The following MKLN1 variants were observed in gnomAD, a reference collection of about 807,000 sequenced individuals.
MKLN1 encodes muskelin 1, also known as muskelin.
In MKLN1, 18 loss-of-function variants were observed where a neutral mutation model predicts 99.0. The observed-to-expected ratio is 0.18, with a 90% CI of 0.13 to 0.27. The LOEUF is 0.27. Among genes scored for constraint, MKLN1 ranks in the 10% least tolerant of loss-of-function variants. MKLN1 has a pLI of 1.00. For missense variants in MKLN1, 621 were observed against 875.9 expected, an observed-to-expected ratio of 0.71 and a Z score of 3.67; for synonymous variants, 288 against 293.2, an observed-to-expected ratio of 0.98 and a Z score of 0.18.
At chr7:131,456,534 C>T (rs976862605) in intron 12 of MKLN1, among the ~76,000 whole-genome samples, 14 of 152,064 alleles carry the variant, frequency 9.2e-5, no homozygotes, top group Admixed American at 4.6e-4. Flanking sequence ...TGTCAGAATT[C>T]GGTGGGCAAA....
intron 1 of MKLN1, among the ~76,000 whole-genome samples, chr7:131,348,660 C>T (rs540262434): frequency 3.8e-4 from 58 of 151,976 alleles, no homozygotes; most frequent in African/African-American, 1.4e-3. Flanking sequence ...TCAAAGATAC[C>T]TATTATGGGT....
intron 2 of MKLN1, among the ~76,000 whole-genome samples, chr7:131,161,961 GTGTATATATA>G (rs1430114346): frequency 2.4e-3 from 194 of 81,066 alleles, no homozygotes; most frequent in Middle Eastern, 0.019. Flanking sequence ...GTGTGTGTGT[GTGTATATATA>G]TATATATATA....
At chr7:131,174,771 C>G (rs1413941306) in intron 2 of MKLN1, among the ~76,000 whole-genome samples, 1 of 151,984 alleles carries the variant, frequency 6.6e-6, no homozygotes, top group Admixed American at 6.6e-5. Flanking sequence ...TAATTCAAAC[C>G]AGTAAATATT....
At chr7:131,486,701 G>C (rs1337342051) in intron 17 of MKLN1, among the ~76,000 whole-genome samples, 1 of 152,054 alleles carries the variant, frequency 6.6e-6, no homozygotes, top group East Asian at 1.9e-4. Flanking sequence ...TTCAGGGATA[G>C]GGGAAATTAT....
At chr7:131,145,091 G>A (rs1173779511) in intron 2 of MKLN1, among the ~76,000 whole-genome samples, 6 of 152,026 alleles carry the variant, frequency 3.9e-5, no homozygotes, top group South Asian at 2.1e-4. Context: ...CACTTATATC[G>A]ATGACTAAGA....
chr7:131,435,246 A>C (rs1440301778), intron 9 of MKLN1, among the ~76,000 whole-genome samples: 1 of 152,060 alleles, frequency 6.6e-6, no homozygotes, highest in East Asian at 1.9e-4. Context: ...ATATATTGCT[A>C]CTGCTGTTTG....
intron 3 of MKLN1, among the ~76,000 whole-genome samples, chr7:131,238,686 A>G (rs6960667): frequency 0.033 from 5,080 of 152,350 alleles, 112 homozygotes; most frequent in Non-Finnish European, 0.05. Context: ...TTTCACACTT[A>G]TCTGACATTC....
At chr7:131,249,609 G>A (rs569917923) in intron 3 of MKLN1, among the ~76,000 whole-genome samples, 1 of 152,148 alleles carries the variant, frequency 6.6e-6, no homozygotes, top group Non-Finnish European at 1.5e-5. Context: ...GGAAGCATTA[G>A]GAGAATTCAG....
chr7:131,296,604 A>AC lies in MKLN1; in HGVS notation c.-178-78820_-178-78819insC, dbSNP rs200258770. 6.7e-3 allele frequency among the ~76,000 whole-genome samples: 1,021 copies of AC among 152,176 alleles called. 12 individuals carry two copies. The highest frequency in any genetic ancestry group is 0.023 in the African/African-American group (964 of 41,508). On this transcript the variant is annotated intron_variant, in intron 3 of 7. Coordinates refer to the MKLN1 transcript ENST00000416992. ...GATTTTTTAAAACCAAACTCAGATA[A>AC]AAAAATACAGTAGTTGGCTCACACC...
Position 131,361,051 on chromosome 7 carries a change from T to G in MKLN1, c.99-14373T>G, listed in dbSNP as rs190834097. On this transcript the variant is annotated intron_variant, in intron 1 of 17. Transcript: ENST00000352689. ...TCCTTGTTTCTCTATAAATGAGGAG[T>G]TTTTTTTCCCTTGTCTTTGGTTTTC... 1.6e-4 allele frequency among the ~76,000 whole-genome samples: 25 copies of G among 151,800 alleles called. 1 individual carries two copies. In the South Asian group the frequency reaches 2.7e-3, roughly 16 times the overall value.
intron 1 of MKLN1, among the ~76,000 whole-genome samples, chr7:131,138,321 A>G (rs892351872): frequency 2.6e-5 from 4 of 152,296 alleles, no homozygotes; most frequent in Admixed American, 6.5e-5. Context: ...CTTAATAAAT[A>G]TGTTTATTTG....
At position 131,494,783 on chromosome 7, in the gene MKLN1, G is replaced by A. The variant is rs1209931608; in HGVS notation, c.*7055G>A. The A allele has an allele frequency of 3.9e-5, 6 of 152,178 alleles. No individual in the cohort carries two copies. Among genetic ancestry groups the A allele is most frequent in the Non-Finnish European group, 5.9e-5 (4 of 68,014 alleles). The allele number at this position is 152,178 out of a possible 1,614,324, so 9.4% of individuals were successfully genotyped here. A position where few individuals can be genotyped will look rare whatever the true frequency, so the allele number is the denominator to read the frequency against. On this transcript the variant is annotated 3_prime_UTR_variant, in exon 18 of 18. Coordinates refer to ENST00000352689, the MANE Select transcript of MKLN1 (RefSeq NM_013255.5). ...CTTACTTTTTGGATTTGTGTGAAAT[G>A]TCTTTTGAAAAGAAAGTAGATAGTA... is the stretch of plus-strand genomic sequence containing the variant.
At chr7:131,341,803 A>G (rs1224613247) in intron 1 of MKLN1, among the ~76,000 whole-genome samples, 1 of 152,244 alleles carries the variant, frequency 6.6e-6, no homozygotes, top group East Asian at 1.9e-4. Flanking sequence ...TGCAGTTCAT[A>G]GTAGGTTGGT....
intron 8 of MKLN1, among the ~76,000 whole-genome samples, chr7:131,427,313 A>G (rs537284620): frequency 6.6e-6 from 1 of 152,352 alleles, no homozygotes; most frequent in African/African-American, 2.4e-5. Flanking sequence ...GTTTTCTTAA[A>G]TAGTCTTCTA....
In MKLN1 at chr7:131,262,838, C is replaced by A. The variant is rs189703679; in HGVS notation, c.-179+59864C>A. On this transcript the variant is annotated intron_variant, in intron 3 of 7. Transcript: ENST00000416992. ...TGGGATTACAGGCATGAGCCACCAC[C>A]CCCAGCCTGGTTATTATGTTTCTTA... is the stretch of plus-strand genomic sequence containing the variant. 3.5e-4 allele frequency among the ~76,000 whole-genome samples: 53 copies of A among 152,140 alleles called. No homozygotes were observed. In the East Asian group the frequency reaches 6.8e-3, roughly 20 times the overall value.
chr7:131,265,753 T>C (rs930816925), intron 3 of MKLN1, among the ~76,000 whole-genome samples: 1 of 152,192 alleles, frequency 6.6e-6, no homozygotes, highest in Non-Finnish European at 1.5e-5. Context: ...CTGGAAGATA[T>C]TGTATATTTA....
At chr7:131,218,608 TC>T (rs975148248) in intron 3 of MKLN1, among the ~76,000 whole-genome samples, 4 of 152,198 alleles carry the variant, frequency 2.6e-5, no homozygotes, top group African/African-American at 9.6e-5. Flanking sequence ...TATAGGTGGT[TC>T]CCAGTGGATA....
At chr7:131,248,474 A>G (rs78506488) in intron 3 of MKLN1, among the ~76,000 whole-genome samples, 2,695 of 152,208 alleles carry the variant, frequency 0.018, 79 homozygotes, top group African/African-American at 0.061. Context: ...ATTGACTCTC[A>G]TCCATTTGCC....
intron 12 of MKLN1, among the ~76,000 whole-genome samples, chr7:131,454,707 T>C (rs1383902080): frequency 2.0e-5 from 3 of 152,230 alleles, no homozygotes; most frequent in Non-Finnish European, 2.9e-5. Flanking sequence ...CTTCCTCCCA[T>C]GTGACACAAT....
Sources: allele counts gnomAD v4.1 joint callset (sites outside exome capture counted in the v4.1 genomes callset), GRCh38; gene constraint gnomAD v4.1.1; transcripts MANE v1.5; gene names NCBI Gene and HGNC (gene_info 2026-07-23, HGNC 2026-07-21).